The following ZNF697 variants were observed in gnomAD, a reference collection of about 807,000 sequenced individuals.
ZNF697 encodes zinc finger protein 697.
A neutral mutation model predicts 32.4 loss-of-function variants in ZNF697; 23 were observed. The ratio of observed to expected loss-of-function variants is 0.71; its 90% CI spans 0.51 to 1.01. The LOEUF (loss-of-function observed/expected upper bound fraction) is 1.01. Ranked by LOEUF, ZNF697 falls within the 50% of genes least tolerant of loss-of-function variation. ZNF697 has a pLI of 0.00. For missense variants in ZNF697, 930 were observed against 794.0 expected (o/e 1.17, Z -2.06); for synonymous variants, 418 against 337.2 (o/e 1.24, Z -2.62).
Position 119,622,890 on chromosome 1 carries a change from G to A in ZNF697, c.1453C>T (p.Arg485Cys). 6.2e-7 allele frequency: 1 copy of A among 1,609,888 alleles called. No individual in the cohort carries two copies. Among genetic ancestry groups the A allele is most frequent in the Admixed American group, 1.7e-5 (1 of 59,512 alleles). The change falls in exon 3 of 3, where the codon CGC (arginine) becomes TGC (cysteine). Residue 485 changes from arginine to cysteine, a missense_variant. Physicochemically the swap from Arg to Cys is radical, Grantham distance 180 (BLOSUM62 -3). Coordinates refer to ENST00000421812, the MANE Select transcript of ZNF697 (RefSeq NM_001080470.2). ...TAGGGCTTCTCGCCCGTGTGCGTGC[G>A]CTGGTGCTGCGTGAGCGTGGAGAAG... ...SDFSTLTQHQ[R>C]THTGEKPYTC...
chr1:119,645,647 G>C (rs1649180448), intron 1 of ZNF697, among the ~76,000 whole-genome samples: 1 of 152,204 alleles, frequency 6.6e-6, no homozygotes, highest in Non-Finnish European at 1.5e-5. Flanking sequence ...CACAGGTCCA[G>C]TAAAGGAGAG....
Position 119,621,086 on chromosome 1 carries a change from C to G in ZNF697, c.*1619G>C, listed in dbSNP as rs587763266. The G allele has an allele frequency of 6.6e-6, 1 of 152,270 alleles. No individual in the cohort carries two copies. The highest frequency in any genetic ancestry group is 1.9e-4 in the East Asian group (1 of 5,184). The allele number at this position is 152,270 out of a possible 1,614,324, so 9.4% of individuals were successfully genotyped here. On this transcript the variant is annotated 3_prime_UTR_variant, in exon 3 of 3. Transcript: ENST00000421812. ...CTACAGCCCCTTACTAGAAATGGAA[C>G]ATAGCTAGGATACCCTAATTAGGCG...
At position 119,647,695 on chromosome 1, in the gene ZNF697, TC is replaced by T. The variant is rs1176185278; in HGVS notation, c.-43del. 6.6e-6 allele frequency: 1 copy of T among 152,456 alleles called. No individual in the cohort carries two copies. Among genetic ancestry groups the T allele is most frequent in the African/African-American group, 2.4e-5 (1 of 41,384 alleles). 9.4% of individuals were successfully genotyped at this position (152,456 alleles called of 1,614,324 possible). On this transcript the variant is annotated 5_prime_UTR_variant, in exon 1 of 3. Transcript: ENST00000421812. The stretch of plus-strand genomic sequence containing the variant: ...GCTGCACACAAAGCCCTTCACCTTC[TC>T]CTTGCCTTCCAAGCTCCTCCCTGGG...
At chr1:119,626,227 T>C in intron 1 of ZNF697, 90 bp from the exon 2 acceptor site, 1 of 1,477,194 alleles carries the variant, frequency 6.8e-7, no homozygotes, top group East Asian at 2.3e-5. Flanking sequence ...TAATAAAATG[T>C]ATGGAGTTCC....
rs139851325 is a variant in ZNF697, at chr1:119,625,863, C to G, written c.226+12G>C. 1.1e-5 allele frequency: 17 copies of G among 1,612,604 alleles called. No homozygotes were observed. The highest frequency in any genetic ancestry group is 1.4e-5 in the Non-Finnish European group (17 of 1,179,700). The stretch of plus-strand genomic sequence containing the variant: ...TTGGCAACTTGCATAGAAATCCCAG[C>G]TTTCTCCTCACCTGTGCAGATGTCG... On this transcript the variant is annotated intron_variant, in intron 2 of 2. Coordinates refer to ENST00000421812, the MANE Select transcript of ZNF697 (RefSeq NM_001080470.2).
At chr1:119,625,235 G>A (rs1450474657) in intron 2 of ZNF697, among the ~76,000 whole-genome samples, 4 of 152,160 alleles carry the variant, frequency 2.6e-5, no homozygotes, top group Non-Finnish European at 5.9e-5. Context: ...CTCAGTCCTG[G>A]CCATAAAGTA....
Position 119,623,168 on chromosome 1 carries a change from C to A in ZNF697, c.1175G>T (p.Trp392Leu). 6.4e-7 allele frequency: 1 copy of A among 1,559,638 alleles called. No homozygotes were observed. Among genetic ancestry groups the A allele is most frequent in the Non-Finnish European group, 8.7e-7 (1 of 1,150,606 alleles). The change falls in exon 3 of 3, where the codon TGG (tryptophan) becomes TTG (leucine). Residue 392 changes from tryptophan (W) to leucine (L), a missense_variant. Physicochemically the swap from Trp to Leu is moderately conservative, Grantham distance 61. Coordinates refer to ENST00000421812, the MANE Select transcript of ZNF697 (RefSeq NM_001080470.2). The part of the protein sequence containing the change: ...GCGECGKRFS[W>L]RSDLVKHQRV... The stretch of plus-strand genomic sequence containing the variant: ...CTGGTGCTTCACCAAGTCCGAGCGC[C>A]AGCTGAAGCGCTTGCCGCACTCGCC...
At chr1:119,625,590 TCTA>T (rs1648555051) in intron 2 of ZNF697, among the ~76,000 whole-genome samples, 1 of 152,224 alleles carries the variant, frequency 6.6e-6, no homozygotes, top group South Asian at 2.1e-4. Context: ...GCTGGGTAAT[TCTA>T]CTGTAGTGTT....
chr1:119,646,322 AACACACACAC>A (rs61339576), intron 1 of ZNF697, among the ~76,000 whole-genome samples: 4,100 of 136,898 alleles, frequency 0.03, 207 homozygotes, highest in African/African-American at 0.11. Context: ...CCCCACTTCC[AACACACACAC>A]ACACACACAC....
In ZNF697 at chr1:119,622,636, C is replaced by A. The variant is rs1400331510; in HGVS notation, c.*69G>T. On this transcript the variant is annotated 3_prime_UTR_variant, in exon 3 of 3. Coordinates refer to ENST00000421812, the MANE Select transcript of ZNF697 (RefSeq NM_001080470.2). ...TCCCGCCCCTTCCCCACTTCCTTCCCCTGGGTCAGTCCCAGGATATCTACC... is the reference window on the plus strand; with the variant it reads ...TCCCGCCCCTTCCCCACTTCCTTCCACTGGGTCAGTCCCAGGATATCTACC... 5 of 1,441,486 alleles carry A rather than the reference C, an allele frequency of 3.5e-6. No homozygotes were observed. The highest frequency in any genetic ancestry group is 4.5e-6 in the Non-Finnish European group (5 of 1,100,824). 89.3% of individuals were successfully genotyped at this position (1,441,486 alleles called of 1,614,324 possible).
At position 119,623,671 on chromosome 1, in the gene ZNF697, G is replaced by A. The variant is rs1435802454; in HGVS notation, c.672C>T (p.Pro224=). The part of the protein sequence containing the change: ...AEAAAAASLE[P]FGLAGECDAM... ...CGTCGCACTCGCCCGCCAGGCCGAAGGGCTCCAGGCTGGCGGCGGCAGCGG... is the reference window on the plus strand; with the variant it reads ...CGTCGCACTCGCCCGCCAGGCCGAAAGGCTCCAGGCTGGCGGCGGCAGCGG... Residue 224 remains proline (P), a synonymous_variant, in exon 3 of 3, where the codon CCC becomes CCT. Coordinates refer to ENST00000421812, the MANE Select transcript of ZNF697 (RefSeq NM_001080470.2). The A allele has an allele frequency of 6.8e-7, 1 of 1,463,748 alleles. No homozygotes were observed. The highest frequency in any genetic ancestry group is 9.1e-7 in the Non-Finnish European group (1 of 1,101,336). The allele number at this position is 1,463,748 out of a possible 1,614,324, so 90.7% of individuals were successfully genotyped here. A position where few individuals can be genotyped will look rare whatever the true frequency, so the allele number is the denominator to read the frequency against.
intron 1 of ZNF697, among the ~76,000 whole-genome samples, chr1:119,642,647 G>A (rs930812537): frequency 2.6e-5 from 4 of 151,902 alleles, no homozygotes; most frequent in Non-Finnish European, 1.5e-5. Context: ...AATTGTCTGT[G>A]CCATCATTTT....
rs1011904762 is a variant in ZNF697, at chr1:119,621,524, T to G, written c.*1181A>C. 6.6e-6 allele frequency: 1 copy of G among 152,670 alleles called. No individual in the cohort carries two copies. The highest frequency in any genetic ancestry group is 1.5e-5 in the Non-Finnish European group (1 of 68,058). The allele number at this position is 152,670 out of a possible 1,614,324, so 9.5% of individuals were successfully genotyped here. On this transcript the variant is annotated 3_prime_UTR_variant, in exon 3 of 3. Coordinates refer to ENST00000421812, the MANE Select transcript of ZNF697 (RefSeq NM_001080470.2). ...CATTTACACCTCTCCCTGACTGGGC[T>G]CTTCTGGGTAAAGCCTTGAGATTTC... is the stretch of plus-strand genomic sequence containing the variant.
At chr1:119,641,593 T>C (rs2101095522) in intron 1 of ZNF697, among the ~76,000 whole-genome samples, 1 of 152,280 alleles carries the variant, frequency 6.6e-6, no homozygotes, top group Non-Finnish European at 1.5e-5. Flanking sequence ...CTGATACGGT[T>C]TGGCTGCGTC....
rs1283166933 is a variant in ZNF697, at chr1:119,620,963, G to C, written c.*1742C>G. 1 of 150,304 alleles carries C rather than the reference G, an allele frequency of 6.7e-6. No individual in the cohort carries two copies. The highest frequency in any genetic ancestry group is 1.5e-5 in the Non-Finnish European group (1 of 68,004). The allele number at this position is 150,304 out of a possible 1,614,324, so 9.3% of individuals were successfully genotyped here. A position where few individuals can be genotyped will look rare whatever the true frequency, so the allele number is the denominator to read the frequency against. On this transcript the variant is annotated 3_prime_UTR_variant, in exon 3 of 3. Transcript: ENST00000421812. ...GTGTAGGGTAACAATCACTAGAGAA[G>C]AAAACAATACTGCTTTCCACAACTC...
At chr1:119,634,540 A>G (rs1648870352) in intron 1 of ZNF697, among the ~76,000 whole-genome samples, 1 of 152,258 alleles carries the variant, frequency 6.6e-6, no homozygotes, top group African/African-American at 2.4e-5. Flanking sequence ...AGCATGAAGT[A>G]AAACATTTGC....
chr1:119,627,791 A>AC (rs1648639197), intron 1 of ZNF697, among the ~76,000 whole-genome samples: 1 of 152,194 alleles, frequency 6.6e-6, no homozygotes, highest in Non-Finnish European at 1.5e-5. Context: ...TGTTTAAAGC[A>AC]CCAAGTTTCC....
At position 119,620,523 on chromosome 1, in the gene ZNF697, A is replaced by G. The variant is rs1648277439; in HGVS notation, c.*2182T>C. The G allele has an allele frequency of 6.6e-6, 1 of 152,652 alleles. No individual in the cohort carries two copies. The highest frequency in any genetic ancestry group is 2.4e-5 in the African/African-American group (1 of 41,454). The allele number at this position is 152,652 out of a possible 1,614,324, so 9.5% of individuals were successfully genotyped here. On this transcript the variant is annotated 3_prime_UTR_variant, in exon 3 of 3. Coordinates refer to ENST00000421812, the MANE Select transcript of ZNF697 (RefSeq NM_001080470.2). ...CAGTAAGATTACCTAGAAATTGGCT[A>G]TATTATTTTCAGGTGGGTCTAATAT... is the stretch of plus-strand genomic sequence containing the variant.
rs762184922 is a variant in ZNF697 at position 119,622,912 on chromosome 1, G to C, written c.1431C>G (p.Phe477Leu). Residue 477 changes from phenylalanine (F) to leucine (L), a missense_variant, in exon 3 of 3, where the codon TTC becomes TTG. By Grantham distance (22) the Phe-to-Leu change is conservative (BLOSUM62 0). Transcript: ENST00000421812. ...TGCGCTGGTGCTGCGTGAGCGTGGA[G>C]AAGTCGCTGAAGCGCTTCTCGCACT... ...CGQCEKRFSD[F>L]STLTQHQRTH... 1 of 1,608,308 alleles carries C rather than the reference G, an allele frequency of 6.2e-7. No individual in the cohort carries two copies. Among genetic ancestry groups the C allele is most frequent in the Non-Finnish European group, 8.5e-7 (1 of 1,177,358 alleles).
Sources: gnomAD v4.1 joint callset for allele counts (sites outside exome capture counted in the v4.1 genomes callset) on GRCh38, gnomAD v4.1.1 for gene constraint, MANE v1.5 for transcripts, NCBI Gene and HGNC (gene_info 2026-07-23, HGNC 2026-07-21) for gene names.